CDK6: variants seen among roughly 807,000 people sequenced by gnomAD.
CDK6 encodes the protein cyclin-dependent kinase 6.
Under a neutral mutation model 37.1 loss-of-function variants are expected in CDK6, and 6 were observed. That is an observed-to-expected ratio of 0.16 (90% CI 0.09 to 0.32). The LOEUF (loss-of-function observed/expected upper bound fraction) is 0.32, where lower values mean the gene tolerates loss of function less well. CDK6 is among the 10% of genes least tolerant of loss of function. The probability of loss-of-function intolerance (pLI) is 1.00; values close to 1 mark genes in which losing one functional copy is unlikely to be tolerated. For synonymous variants in CDK6, 160 were observed against 161.3 expected, an observed-to-expected ratio of 0.99 and a Z score of 0.06; for missense variants, 224 against 418.9, an observed-to-expected ratio of 0.53 and a Z score of 4.06.
At chr7:92,771,951 C>T (rs769279696) in intron 3 of CDK6, among the ~76,000 whole-genome samples, 1 of 152,174 alleles carries the variant, frequency 6.6e-6, no homozygotes, top group Non-Finnish European at 1.5e-5. Flanking sequence ...TCCTACTTAG[C>T]AGCTGTTTAT....
intron 2 of CDK6, among the ~76,000 whole-genome samples, chr7:92,808,087 T>C (rs1029730301): frequency 2.0e-5 from 3 of 152,122 alleles, no homozygotes; most frequent in African/African-American, 7.2e-5. Flanking sequence ...CCCCTGTAAA[T>C]TAAAAAGAAA....
intron 2 of CDK6, among the ~76,000 whole-genome samples, chr7:92,816,600 C>A (rs1042948918): frequency 6.6e-6 from 1 of 151,882 alleles, no homozygotes; most frequent in African/African-American, 2.4e-5. Flanking sequence ...GAAAATTAAG[C>A]CACAACATAT....
At chr7:92,836,222 C>T (rs1014763675) in intron 1 of CDK6, among the ~76,000 whole-genome samples, 1 of 134,594 alleles carries the variant, frequency 7.4e-6, no homozygotes, top group Non-Finnish European at 1.6e-5. Flanking sequence ...CGCGGGTGTC[C>T]CTAGGCTGGG....
intron 2 of CDK6, among the ~76,000 whole-genome samples, chr7:92,820,896 G>A (rs998160745): frequency 6.8e-6 from 1 of 146,284 alleles, no homozygotes; most frequent in South Asian, 2.3e-4. Flanking sequence ...TGAGAACTGG[G>A]GCAGGAGCTT....
intron 5 of CDK6, among the ~76,000 whole-genome samples, chr7:92,651,204 A>C (rs530829000): frequency 8.0e-4 from 122 of 152,276 alleles, no homozygotes; most frequent in African/African-American, 2.9e-3. Context: ...CTGTTTTTAA[A>C]GGACTCATGT....
At chr7:92,640,136 A>G (rs936854652) in intron 5 of CDK6, among the ~76,000 whole-genome samples, 1 of 152,204 alleles carries the variant, frequency 6.6e-6, no homozygotes, top group East Asian at 1.9e-4. Context: ...AGCACAAGAG[A>G]GCACGCCGCT....
intron 5 of CDK6, among the ~76,000 whole-genome samples, chr7:92,667,755 T>C (rs1333054632): frequency 2.6e-5 from 4 of 152,012 alleles, no homozygotes; most frequent in Non-Finnish European, 5.9e-5. Flanking sequence ...TTTCGCCATG[T>C]TACCCAGGCT....
At chr7:92,657,444 A>G (rs1484474880) in intron 5 of CDK6, among the ~76,000 whole-genome samples, 1 of 152,212 alleles carries the variant, frequency 6.6e-6, no homozygotes, top group Non-Finnish European at 1.5e-5. Context: ...ATCATAACTC[A>G]ATATACATTA....
At chr7:92,630,664 G>A (rs1255276995) in intron 5 of CDK6, among the ~76,000 whole-genome samples, 1 of 152,108 alleles carries the variant, frequency 6.6e-6, no homozygotes, top group Admixed American at 6.6e-5. Flanking sequence ...TTAATAGTCA[G>A]ATATCGCAGG....
Position 92,708,456 on chromosome 7 carries a change from T to C in CDK6, c.537+17170A>G, listed in dbSNP as rs73710457. Among the ~76,000 whole-genome samples the C allele has an allele frequency of 2.9e-3, 442 of 152,254 alleles. 1 individual carries two copies. The highest frequency in any genetic ancestry group is 0.01 in the African/African-American group (418 of 41,546). The stretch of plus-strand genomic sequence containing the variant: ...GCTGTTTACATTACATAACCCTCAT[T>C]AGGGTTTAGTCATATAACGACCACA... On this transcript the variant is annotated intron_variant, in intron 4 of 7. Coordinates refer to ENST00000424848, the MANE Select transcript of CDK6 (RefSeq NM_001145306.2).
intron 2 of CDK6, among the ~76,000 whole-genome samples, chr7:92,786,924 C>T (rs2115838240): frequency 6.6e-6 from 1 of 152,090 alleles, no homozygotes; most frequent in South Asian, 2.1e-4. Context: ...TGGCTCACCC[C>T]TGTAATCCCA....
At chr7:92,649,724 G>T (rs1796530885) in intron 5 of CDK6, among the ~76,000 whole-genome samples, 1 of 152,198 alleles carries the variant, frequency 6.6e-6, no homozygotes, top group Non-Finnish European at 1.5e-5. Flanking sequence ...TATACAGCTA[G>T]TAAGTGGAAG....
At chr7:92,830,786 G>C (rs1801457881) in intron 2 of CDK6, among the ~76,000 whole-genome samples, 1 of 152,178 alleles carries the variant, frequency 6.6e-6, no homozygotes, top group Admixed American at 6.5e-5. Context: ...AAGTATCACT[G>C]AATTTCATGG....
At chr7:92,721,326 C>T (rs1278308049) in intron 4 of CDK6, among the ~76,000 whole-genome samples, 4 of 152,060 alleles carry the variant, frequency 2.6e-5, no homozygotes, top group Non-Finnish European at 4.4e-5. Context: ...GTCCTGTGTG[C>T]GGTATGGGGC....
At chr7:92,801,400 G>GCTCT (rs144592915) in intron 2 of CDK6, among the ~76,000 whole-genome samples, 1 of 149,960 alleles carries the variant, frequency 6.7e-6, no homozygotes. Context: ...ATACATGCGT[G>GCTCT]CTCTCTCTCT....
Position 92,783,142 on chromosome 7 carries a change from C to T in CDK6, c.234-8311G>A, listed in dbSNP as rs866048025. On this transcript the variant is annotated intron_variant, in intron 2 of 7. Coordinates refer to ENST00000424848, the MANE Select transcript of CDK6 (RefSeq NM_001145306.2). ...TAGAGACACTGGATGGAGGAAAGCACAGAAGGAAGAAGACAGATGGACAAG... is the reference window on the plus strand; with the variant it reads ...TAGAGACACTGGATGGAGGAAAGCATAGAAGGAAGAAGACAGATGGACAAG... Among the ~76,000 whole-genome samples, 16 of 151,812 alleles carry T rather than the reference C, an allele frequency of 1.1e-4. No individual in the cohort carries two copies. In the South Asian group the frequency reaches 2.9e-3, roughly 28 times the overall value.
intron 3 of CDK6, among the ~76,000 whole-genome samples, chr7:92,773,630 G>A (rs1289969209): frequency 6.6e-6 from 1 of 152,162 alleles, no homozygotes; most frequent in Admixed American, 6.5e-5. Flanking sequence ...TAATGTCCTT[G>A]AAACTGCTCA....
intron 3 of CDK6, among the ~76,000 whole-genome samples, chr7:92,765,231 C>T (rs970070535): frequency 1.3e-5 from 2 of 151,992 alleles, no homozygotes; most frequent in South Asian, 4.2e-4. Context: ...GACATCCATC[C>T]GTCTCTTCAC....
At chr7:92,726,252 C>T (rs1798510002) in intron 3 of CDK6, among the ~76,000 whole-genome samples, 1 of 152,242 alleles carries the variant, frequency 6.6e-6, no homozygotes, top group Non-Finnish European at 1.5e-5. Context: ...CACTATATAT[C>T]AAGCACTATT....
Sources: gnomAD v4.1 joint callset for allele counts (sites outside exome capture counted in the v4.1 genomes callset) on GRCh38, gnomAD v4.1.1 for gene constraint, MANE v1.5 for transcripts, NCBI Gene and HGNC (gene_info 2026-07-23, HGNC 2026-07-21) for gene names.